The following KCMF1 variants were observed in gnomAD, a reference collection of about 807,000 sequenced individuals.
KCMF1 encodes the protein potassium channel modulatory factor 1, also known as E3 ubiquitin-protein ligase KCMF1.
Under a neutral mutation model 41.1 loss-of-function variants are expected in KCMF1, and 3 were observed. That is an observed-to-expected ratio of 0.07 (90% CI 0.03 to 0.19). The LOEUF is 0.19. Among genes scored for constraint, KCMF1 ranks in the 10% least tolerant of loss-of-function variants. The probability of loss-of-function intolerance (pLI) is 1.00; values close to 1 mark genes in which losing one functional copy is unlikely to be tolerated. For missense variants in KCMF1, 286 were observed against 488.9 expected (o/e 0.58, Z 3.91); for synonymous variants, 142 against 164.5 (o/e 0.86, Z 1.04).
At chr2:85,039,416 G>A (rs892954611) in intron 3 of KCMF1, among the ~76,000 whole-genome samples, 1 of 152,110 alleles carries the variant, frequency 6.6e-6, no homozygotes, top group African/African-American at 2.4e-5. Flanking sequence ...GGGGAAAAAT[G>A]TGTGGAGCTG....
chr2:85,044,539 CT>C (rs1310849624), intron 4 of KCMF1, among the ~76,000 whole-genome samples: 2 of 152,106 alleles, frequency 1.3e-5, no homozygotes, highest in African/African-American at 4.8e-5. Flanking sequence ...CCACACCCAG[CT>C]AATTTTTGTA....
chr2:84,984,775 G>A (rs896274200), intron 1 of KCMF1, among the ~76,000 whole-genome samples: 14 of 152,164 alleles, frequency 9.2e-5, no homozygotes, highest in Non-Finnish European at 1.9e-4. Flanking sequence ...AGCCAAGATT[G>A]CGCCATTGCA....
At chr2:84,977,948 A>C (rs1022404536) in intron 1 of KCMF1, among the ~76,000 whole-genome samples, 12 of 152,048 alleles carry the variant, frequency 7.9e-5, no homozygotes. Context: ...TCAAATTGGG[A>C]ACTCAATTTG....
intron 1 of KCMF1, among the ~76,000 whole-genome samples, chr2:84,973,508 GA>G (rs1673453298): frequency 6.6e-6 from 1 of 152,082 alleles, no homozygotes; most frequent in East Asian, 1.9e-4. Flanking sequence ...CATACCTAAT[GA>G]AAAAGGAACA....
At chr2:84,975,373 T>C (rs1287372637) in intron 1 of KCMF1, among the ~76,000 whole-genome samples, 1 of 152,188 alleles carries the variant, frequency 6.6e-6, no homozygotes, top group Non-Finnish European at 1.5e-5. Context: ...CCCAGTCAGC[T>C]TGGGATTCCG....
At chr2:85,003,877 A>G (rs868394551) in intron 1 of KCMF1, among the ~76,000 whole-genome samples, 1 of 152,190 alleles carries the variant, frequency 6.6e-6, no homozygotes, top group Admixed American at 6.5e-5. Context: ...AAGGGTTAGC[A>G]TAGGGTAAAG....
chr2:84,986,590 A>G lies in KCMF1; in HGVS notation c.16+15123A>G, dbSNP rs528831823. On this transcript the variant is annotated intron_variant, in intron 1 of 6. Transcript: ENST00000409785. Reference sequence around the variant, plus strand: ...GCAGGGGGAGTGAGGTATATTAGAAAGGCTGGGCCGGGTGCGGTGGCTCAC... The same window carrying G: ...GCAGGGGGAGTGAGGTATATTAGAAGGGCTGGGCCGGGTGCGGTGGCTCAC... Among the ~76,000 whole-genome samples the G allele has an allele frequency of 2.8e-3, 424 of 152,196 alleles. 2 individuals are homozygous for G. Among genetic ancestry groups the G allele is most frequent in the African/African-American group, 9.2e-3 (384 of 41,518 alleles).
At chr2:84,983,696 A>G (rs1484007788) in intron 1 of KCMF1, among the ~76,000 whole-genome samples, 1 of 152,114 alleles carries the variant, frequency 6.6e-6, no homozygotes, top group African/African-American at 2.4e-5. Flanking sequence ...TTTTTAGTTG[A>G]AATGGGGTTT....
intron 1 of KCMF1, among the ~76,000 whole-genome samples, chr2:85,008,748 A>G (rs1674578056): frequency 6.6e-6 from 1 of 150,496 alleles, no homozygotes; most frequent in African/African-American, 2.5e-5. Flanking sequence ...AAAGCACTGC[A>G]AGTATTGACA....
intron 1 of KCMF1, among the ~76,000 whole-genome samples, chr2:84,986,877 G>A (rs1269859633): frequency 4.6e-5 from 7 of 152,040 alleles, no homozygotes; most frequent in Non-Finnish European, 8.8e-5. Flanking sequence ...GTGAGACTCC[G>A]TCTCAAAAAA....
At position 85,058,029 on chromosome 2, in the gene KCMF1, G is replaced by A. The variant is rs184493632; in HGVS notation, c.*4620G>A. ...AGAACCCTTAAGTCTGACTGTCCCA[G>A]GTAACTTTACTTGCTGTACAGATAG... On this transcript the variant is annotated 3_prime_UTR_variant, in exon 7 of 7. Coordinates refer to ENST00000409785, the MANE Select transcript of KCMF1 (RefSeq NM_020122.5). The A allele has an allele frequency of 6.6e-6, 1 of 152,318 alleles. No individual in the cohort carries two copies. The highest frequency in any genetic ancestry group is 2.4e-5 in the African/African-American group (1 of 41,566). 9.4% of individuals were successfully genotyped at this position (152,318 alleles called of 1,614,324 possible). A position where few individuals can be genotyped will look rare whatever the true frequency, so the allele number is the denominator to read the frequency against.
intron 3 of KCMF1, among the ~76,000 whole-genome samples, chr2:85,039,717 G>A (rs1254472219): frequency 6.6e-6 from 1 of 152,132 alleles, no homozygotes; most frequent in Non-Finnish European, 1.5e-5. Flanking sequence ...CAAGACTGAT[G>A]GTGACCCTCA....
chr2:84,991,901 A>G (rs1402932926), intron 1 of KCMF1, among the ~76,000 whole-genome samples: 4 of 152,194 alleles, frequency 2.6e-5, no homozygotes, highest in Non-Finnish European at 4.4e-5. Flanking sequence ...CCCATTTTCT[A>G]CTATGTATGC....
chr2:85,034,931 T>C, intron 2 of KCMF1, 85 bp from the exon 3 acceptor site: 1 of 1,221,128 alleles, frequency 8.2e-7, no homozygotes, highest in Non-Finnish European at 1.1e-6. Context: ...CCACACTTTC[T>C]TTTTTACATT....
chr2:85,039,336 G>A (rs1045439471), intron 3 of KCMF1, among the ~76,000 whole-genome samples: 5 of 152,234 alleles, frequency 3.3e-5, no homozygotes, highest in Admixed American at 2.6e-4. Context: ...GCTGTCTGCT[G>A]TAGTTGTATT....
intron 1 of KCMF1, among the ~76,000 whole-genome samples, chr2:84,982,517 T>C (rs1170242177): frequency 7.0e-6 from 1 of 143,722 alleles, no homozygotes; most frequent in South Asian, 2.4e-4. Flanking sequence ...TTCTCCTGCC[T>C]CAGCCTCCCG....
intron 1 of KCMF1, among the ~76,000 whole-genome samples, chr2:85,007,928 T>A (rs1171754234): frequency 6.6e-6 from 1 of 151,852 alleles, no homozygotes; most frequent in Non-Finnish European, 1.5e-5. Flanking sequence ...GCCTGGCTAA[T>A]TTTTTTGTAT....
chr2:85,023,379 CG>C (rs1675000597), intron 1 of KCMF1, among the ~76,000 whole-genome samples: 2 of 127,932 alleles, frequency 1.6e-5, no homozygotes, highest in African/African-American at 6.0e-5. Flanking sequence ...AGTGCAGTGG[CG>C]CGATCTCAGC....
chr2:85,028,627 T>TG (rs1675178458), intron 2 of KCMF1, among the ~76,000 whole-genome samples: 1 of 151,652 alleles, frequency 6.6e-6, no homozygotes, highest in Admixed American at 6.6e-5. Context: ...GGAGCTGGGA[T>TG]TACAGGCGTG....
Sources: gnomAD v4.1 joint callset for allele counts (sites outside exome capture counted in the v4.1 genomes callset) on GRCh38, gnomAD v4.1.1 for gene constraint, MANE v1.5 for transcripts, NCBI Gene and HGNC (gene_info 2026-07-23, HGNC 2026-07-21) for gene names.